The following TRPM1 variants were observed in gnomAD, a reference collection of about 807,000 sequenced individuals.
TRPM1 encodes the protein transient receptor potential cation channel subfamily M member 1, also known as TRPM1-203 APA Isoform, Intron 10.
A neutral mutation model predicts 149.4 loss-of-function variants in TRPM1; 113 were observed. The observed-to-expected ratio is 0.76, with a 90% CI of 0.65 to 0.88. The LOEUF (loss-of-function observed/expected upper bound fraction) is 0.88. TRPM1 is among the 40% of genes least tolerant of loss of function. The pLI is 0.00. For missense variants in TRPM1, 1,976 were observed against 2,038.7 expected (o/e 0.97, Z 0.59); for synonymous variants, 741 against 759.5 (o/e 0.98, Z 0.40).
chr15:31,025,786 C>T (rs1027145063), intron 27 of TRPM1, among the ~76,000 whole-genome samples: 1 of 152,224 alleles, frequency 6.6e-6, no homozygotes, highest in Non-Finnish European at 1.5e-5. Context: ...TGGGGAGGAC[C>T]ATGCTCGCAA....
In TRPM1 at chr15:31,040,154, C is replaced by T; in HGVS notation, c.2280G>A (p.Met760Ile). The T allele has an allele frequency of 1.2e-6, 2 of 1,614,248 alleles. No homozygotes were observed. Among genetic ancestry groups the T allele is most frequent in the Non-Finnish European group, 1.7e-6 (2 of 1,180,044 alleles). Reference protein sequence around the residue: ...CSQMLLTDMWMGRLRMRKNPG... With the variant: ...CSQMLLTDMWIGRLRMRKNPG... ...GGTTCTTCCGCATCCGCAGTCTTCC[C>T]ATCCACATATCGGTCAGCAGCATCT... The change falls in exon 18 of 28, where the codon ATG becomes ATA. Residue 760 changes from methionine (M) to isoleucine (I), a missense_variant. By Grantham distance (10) the Met-to-Ile change is conservative. Coordinates refer to ENST00000256552, the MANE Select transcript of TRPM1 (RefSeq NM_001252024.2). The surrounding 1 kb of genome is among the most constrained non-coding windows in gnomAD (Gnocchi z 4.2).
Position 31,001,511 on chromosome 15 carries a change from G to A in TRPM1, c.*311C>T, listed in dbSNP as rs867023056. ...TGACCTAATGGTGACTTCAGTGCTC[G>A]AGGGCACTTCCTAGGCTATTTGGTG... On this transcript the variant is annotated 3_prime_UTR_variant, in exon 28 of 28. Transcript: ENST00000256552. The A allele has an allele frequency of 2.4e-5, 9 of 368,524 alleles. No homozygotes were observed. The highest frequency in any genetic ancestry group is 1.4e-4 in the South Asian group (5 of 35,158). The allele number at this position is 368,524 out of a possible 1,614,324, so 22.8% of individuals were successfully genotyped here.
chr15:31,060,666 A>G (rs774920831), intron 10 of TRPM1, 22 bp from the exon 11 acceptor site: 1 of 1,604,160 alleles, frequency 6.2e-7, no homozygotes, highest in Non-Finnish European at 8.5e-7. Flanking sequence ...AGAAACCGGA[A>G]TGATTTTTCA....
chr15:31,002,103 C>A lies in TRPM1; in HGVS notation c.4597G>T (p.Val1533Phe). Residue 1533 changes from valine to phenylalanine, a missense_variant, in exon 28 of 28, where the codon GTC becomes TTC. This residue lies in a region of TRPM1 where 572 missense variants were observed against 578.9 expected (regional missense o/e 0.99). Transcript: ENST00000256552. ...QFADMQDEHHVAEAIPRIPRL... is the reference protein window; with the variant it reads ...QFADMQDEHHFAEAIPRIPRL... ...GGGATTCGAGGAATTGCTTCAGCGACATGGTGTTCATCTTGCATATCTGCA... is the reference window on the plus strand; with the variant it reads ...GGGATTCGAGGAATTGCTTCAGCGAAATGGTGTTCATCTTGCATATCTGCA... The A allele has an allele frequency of 6.2e-7, 1 of 1,614,248 alleles. No individual in the cohort carries two copies.
chr15:31,030,088 C>T (rs2032997319), intron 23 of TRPM1, among the ~76,000 whole-genome samples: 1 of 152,216 alleles, frequency 6.6e-6, no homozygotes, highest in East Asian at 1.9e-4. Flanking sequence ...GTCAGAATGA[C>T]ATTATAAAAG....
At chr15:31,048,698 G>A (rs979023494) in intron 13 of TRPM1, among the ~76,000 whole-genome samples, 1 of 152,066 alleles carries the variant, frequency 6.6e-6, no homozygotes, top group African/African-American at 2.4e-5. Flanking sequence ...TGTAGTCCCA[G>A]ATACTCAGGA....
intron 27 of TRPM1, among the ~76,000 whole-genome samples, chr15:31,013,982 A>C (rs934300436): frequency 1.3e-5 from 2 of 152,192 alleles, no homozygotes; most frequent in African/African-American, 4.8e-5. Context: ...GGCAGTTTAC[A>C]TCTTTGCTTT....
At chr15:31,038,946 AGGATGCCC>A (rs778200637) in intron 18 of TRPM1, among the ~76,000 whole-genome samples, 21 of 151,692 alleles carry the variant, frequency 1.4e-4, no homozygotes, top group Non-Finnish European at 2.1e-4. Context: ...AGACAACAAA[AGGATGCCC>A]GGATGCCCAG....
At chr15:31,022,933 G>A (rs1187182522) in intron 27 of TRPM1, among the ~76,000 whole-genome samples, 1 of 152,212 alleles carries the variant, frequency 6.6e-6, no homozygotes, top group Non-Finnish European at 1.5e-5. Context: ...GATGCAGAAG[G>A]CTCGCTTGAG....
intron 1 of TRPM1, among the ~76,000 whole-genome samples, chr15:31,095,173 A>G (rs556878039): frequency 5.3e-4 from 81 of 152,246 alleles, no homozygotes; most frequent in Non-Finnish European, 1.0e-3. Flanking sequence ...ATAAATCCAT[A>G]CAGACAAAGC....
chr15:31,128,483 C>A (rs541202354), intron 1 of TRPM1, among the ~76,000 whole-genome samples: 1 of 152,320 alleles, frequency 6.6e-6, no homozygotes, highest in Non-Finnish European at 1.5e-5. Flanking sequence ...CACCCCATAT[C>A]GCCAGGAGGG....
intron 3 of TRPM1, among the ~76,000 whole-genome samples, chr15:31,072,998 AGCACAGT>A (rs1272965746): frequency 6.6e-6 from 1 of 152,020 alleles, no homozygotes; most frequent in Non-Finnish European, 1.5e-5. Flanking sequence ...CGTCCCTTGA[AGCACAGT>A]GTTTAATTTT....
intron 14 of TRPM1, 27 bp from the exon 15 acceptor site, chr15:31,047,278 C>T (rs2033801693): frequency 6.2e-7 from 1 of 1,614,116 alleles, no homozygotes; most frequent in African/African-American, 1.3e-5. Flanking sequence ...GTCTCAGGCC[C>T]TGTGAGAATG....
intron 13 of TRPM1, 30 bp from the exon 14 acceptor site, chr15:31,047,969 T>C: frequency 6.2e-7 from 1 of 1,609,780 alleles, no homozygotes; most frequent in South Asian, 1.1e-5. Flanking sequence ...GTGTGTTAAA[T>C]ATGTTTTTCT....
At chr15:31,043,237 A>G (rs1294457216) in intron 16 of TRPM1, among the ~76,000 whole-genome samples, 1 of 152,206 alleles carries the variant, frequency 6.6e-6, no homozygotes, top group Non-Finnish European at 1.5e-5. Flanking sequence ...TGTGTCGCCC[A>G]GGCTGGAGTG....
chr15:31,062,638 T>C lies in TRPM1; in HGVS notation c.1030A>G (p.Lys344Glu). 6.2e-7 allele frequency: 1 copy of C among 1,614,102 alleles called. No homozygotes were observed. Among genetic ancestry groups the C allele is most frequent in the Non-Finnish European group, 8.5e-7 (1 of 1,179,940 alleles). ...GCAAACAGCTGATGTGATTGTGCCTTATTATAATTAAATGTTTTCTGAATG... is the reference window on the plus strand; with the variant it reads ...GCAAACAGCTGATGTGATTGTGCCTCATTATAATTAAATGTTTTCTGAATG... ...VTIQKTFNYN[K>E]AQSHQLFAII... is the part of the protein sequence containing the mutation. The change falls in exon 9 of 28, where the codon AAG (lysine) becomes GAG (glutamate). Residue 344 changes from lysine (K) to glutamate (E), a missense_variant. By Grantham distance (56) the Lys-to-Glu change is moderately conservative. This residue lies in a region of TRPM1 where 1,332 missense variants were observed against 1,347.1 expected (regional missense o/e 0.99). Coordinates refer to ENST00000256552, the MANE Select transcript of TRPM1 (RefSeq NM_001252024.2).
intron 1 of TRPM1, among the ~76,000 whole-genome samples, chr15:31,087,231 ATTTTTTTTTTTTTTT>A (rs58872566): frequency 5.0e-5 from 3 of 59,444 alleles, no homozygotes; most frequent in Non-Finnish European, 2.9e-5. Context: ...CTCAATAGGG[ATTTTTTTTTTTTTTT>A]TTTTTTTTTT....
intron 1 of TRPM1, among the ~76,000 whole-genome samples, chr15:31,125,100 G>C (rs2035930238): frequency 6.6e-6 from 1 of 152,070 alleles, no homozygotes; most frequent in Non-Finnish European, 1.5e-5. Flanking sequence ...GCTTGAACCT[G>C]GGAGGCGGAG....
At chr15:31,050,321 T>C in intron 12 of TRPM1, 88 bp downstream of exon 12, 1 of 1,596,260 alleles carries the variant, frequency 6.3e-7, no homozygotes, top group Admixed American at 1.7e-5. Flanking sequence ...ATCAGGGCCC[T>C]GGGTGGGACT....
Sources: allele counts gnomAD v4.1 joint callset (sites outside exome capture counted in the v4.1 genomes callset), GRCh38; gene constraint gnomAD v4.1.1; regional missense constraint gnomAD v4.1.1; non-coding constraint Gnocchi (gnomAD v3.1); transcripts MANE v1.5; gene names NCBI Gene and HGNC (gene_info 2026-07-23, HGNC 2026-07-21).